RIC1: variants seen among roughly 807,000 people sequenced by gnomAD.
The protein encoded by RIC1 is RIC1 partner of RAB6A GEF complex.
A neutral mutation model predicts 169.0 loss-of-function variants in RIC1; 88 were observed. The observed-to-expected ratio is 0.52, with a 90% CI of 0.44 to 0.62. The LOEUF (loss-of-function observed/expected upper bound fraction) is 0.62. RIC1 is among the 20% of genes least tolerant of loss of function. The pLI is 0.00. For missense variants in RIC1, 1,877 were observed against 1,725.5 expected, an observed-to-expected ratio of 1.09 and a Z score of -1.56; for synonymous variants, 790 against 601.5, an observed-to-expected ratio of 1.31 and a Z score of -4.59.
intron 3 of RIC1, among the ~76,000 whole-genome samples, chr9:5,696,369 C>A (rs1053316345): frequency 1.3e-5 from 2 of 151,930 alleles, no homozygotes; most frequent in East Asian, 3.9e-4. Context: ...TGCCTCTATT[C>A]CTTTGTTATT....
At chr9:5,744,974 C>T (rs916541806) in intron 10 of RIC1, among the ~76,000 whole-genome samples, 13 of 152,040 alleles carry the variant, frequency 8.6e-5, no homozygotes, top group African/African-American at 3.1e-4. Flanking sequence ...AGAATTAAAA[C>T]CGCCATGGTT....
intron 6 of RIC1, among the ~76,000 whole-genome samples, chr9:5,722,220 T>C (rs10975262): frequency 0.38 from 55,744 of 147,606 alleles, 12,823 homozygotes; most frequent in East Asian, 0.84. Context: ...TTTTTTTTTT[T>C]CCACAGTACC....
At chr9:5,674,260 TA>T (rs746894024) in intron 2 of RIC1, among the ~76,000 whole-genome samples, 44 of 150,106 alleles carry the variant, frequency 2.9e-4, no homozygotes, top group Admixed American at 4.7e-4. Context: ...TTGTCATTCA[TA>T]AAAAAAAAAT....
At chr9:5,633,134 G>A (rs576809027) in intron 1 of RIC1, among the ~76,000 whole-genome samples, 2 of 152,220 alleles carry the variant, frequency 1.3e-5, no homozygotes, top group South Asian at 2.1e-4. Flanking sequence ...ATTATATGTC[G>A]TTTAGTAATC....
chr9:5,687,955 A>G lies in RIC1; in HGVS notation c.253-2004A>G, dbSNP rs1821353255. Among the ~76,000 whole-genome samples, 3 of 151,802 alleles carry G rather than the reference A, an allele frequency of 2.0e-5. No individual in the cohort carries two copies. The South Asian group carries it at 6.2e-4, about 32-fold the overall frequency. On this transcript the variant is annotated intron_variant, in intron 2 of 25. Transcript: ENST00000414202. ...GTGTGTTTCATTATGGATAATTTTT[A>G]TTGCTGTGCTTTTCTGATCATTGTC...
chr9:5,745,820 C>A, intron 10 of RIC1, 111 bp from the exon 11 acceptor site: 1 of 888,550 alleles, frequency 1.1e-6, no homozygotes, highest in Non-Finnish European at 1.7e-6. Flanking sequence ...CTTCACAAAT[C>A]ATTAATAATG....
intron 2 of RIC1, among the ~76,000 whole-genome samples, chr9:5,687,113 G>T (rs962928591): frequency 1.3e-5 from 2 of 152,092 alleles, no homozygotes; most frequent in Admixed American, 1.3e-4. Flanking sequence ...CATCCAAGTT[G>T]TTAAAATTAT....
chr9:5,707,616 A>G (rs561003203), intron 3 of RIC1, among the ~76,000 whole-genome samples: 2 of 152,178 alleles, frequency 1.3e-5, no homozygotes, highest in South Asian at 2.1e-4. Flanking sequence ...TGATCATTAT[A>G]AAAATCCTTC....
chr9:5,751,268 A>G (rs1389150299), intron 12 of RIC1, among the ~76,000 whole-genome samples: 1 of 151,678 alleles, frequency 6.6e-6, no homozygotes, highest in Non-Finnish European at 1.5e-5. Context: ...AAAGTTGAAA[A>G]TGCTTTCAAG....
In RIC1 at chr9:5,776,306, C is replaced by G. The variant is rs879457745; in HGVS notation, c.*2060C>G. ...TGTTATATACCTTAATTTTTAAAAA[C>G]CCATTTTTATTGTGGTGTTTGGTTC... On this transcript the variant is annotated 3_prime_UTR_variant, in exon 26 of 26. Coordinates refer to ENST00000414202, the MANE Select transcript of RIC1 (RefSeq NM_020829.4). 3 of 152,176 alleles carry G rather than the reference C, an allele frequency of 2.0e-5. No homozygotes were observed. The highest frequency in any genetic ancestry group is 3.9e-4 in the East Asian group (2 of 5,178). 9.4% of individuals were successfully genotyped at this position (152,176 alleles called of 1,614,324 possible).
At chr9:5,695,352 C>G (rs1172522726) in intron 3 of RIC1, among the ~76,000 whole-genome samples, 1 of 152,186 alleles carries the variant, frequency 6.6e-6, no homozygotes, top group Non-Finnish European at 1.5e-5. Flanking sequence ...GTAACTGAAT[C>G]CTGGGAAAGT....
chr9:5,685,181 C>T (rs998257467), intron 2 of RIC1, among the ~76,000 whole-genome samples: 54 of 150,036 alleles, frequency 3.6e-4, no homozygotes, highest in Non-Finnish European at 6.7e-4. Context: ...GAATCAATAT[C>T]GTGAAAATGG....
At chr9:5,638,210 T>C (rs1818069247) in intron 1 of RIC1, among the ~76,000 whole-genome samples, 1 of 152,260 alleles carries the variant, frequency 6.6e-6, no homozygotes, top group South Asian at 2.1e-4. Context: ...TTGTTCATGA[T>C]GAATGATCTT....
chr9:5,660,560 C>T (rs867922962), intron 2 of RIC1, among the ~76,000 whole-genome samples: 19 of 152,078 alleles, frequency 1.2e-4, no homozygotes, highest in African/African-American at 4.3e-4. Context: ...TTGTGTGAGA[C>T]GGTATCTCAT....
chr9:5,743,607 G>A, intron 9 of RIC1, 82 bp from the exon 10 acceptor site: 1 of 1,153,164 alleles, frequency 8.7e-7, no homozygotes, highest in South Asian at 1.4e-5. Flanking sequence ...AAATCCGTTT[G>A]ATTTTTTAAA....
At chr9:5,701,886 C>G (rs1822244309) in intron 3 of RIC1, among the ~76,000 whole-genome samples, 1 of 152,128 alleles carries the variant, frequency 6.6e-6, no homozygotes, top group African/African-American at 2.4e-5. Flanking sequence ...ATTTAATACA[C>G]TCAAAATGTC....
intron 3 of RIC1, among the ~76,000 whole-genome samples, chr9:5,706,403 G>T (rs1218016365): frequency 6.6e-6 from 1 of 152,146 alleles, no homozygotes; most frequent in Admixed American, 6.5e-5. Context: ...GGTGAGCTGA[G>T]ATCGCACCAC....
At chr9:5,705,636 C>A (rs1822539460) in intron 3 of RIC1, among the ~76,000 whole-genome samples, 1 of 152,054 alleles carries the variant, frequency 6.6e-6, no homozygotes, top group African/African-American at 2.4e-5. Context: ...CTTTTTCTTA[C>A]TTGATTGCTG....
intron 6 of RIC1, among the ~76,000 whole-genome samples, chr9:5,728,738 G>A (rs1824165554): frequency 6.6e-6 from 1 of 152,156 alleles, no homozygotes; most frequent in Non-Finnish European, 1.5e-5. Context: ...TAGACTGCTT[G>A]CTTACTATAA....
Sources: gnomAD v4.1 joint callset for allele counts (sites outside exome capture counted in the v4.1 genomes callset) on GRCh38, gnomAD v4.1.1 for gene constraint, MANE v1.5 for transcripts, NCBI Gene and HGNC (gene_info 2026-07-23, HGNC 2026-07-21) for gene names.